Variants in LRP1B observed in about 807,000 individuals in gnomAD.
The protein encoded by LRP1B is low-density lipoprotein receptor-related protein 1B.
In LRP1B, 217 loss-of-function variants were observed where a neutral mutation model predicts 556.6. That is an observed-to-expected ratio of 0.39 (90% confidence interval 0.35 to 0.44). The LOEUF is 0.44. Ranked by LOEUF, LRP1B falls within the 20% of genes least tolerant of loss-of-function variation. LRP1B has a pLI of 1.00. For synonymous variants in LRP1B, 2,047 were observed against 1,865.8 expected, an observed-to-expected ratio of 1.10 and a Z score of -2.50; for missense variants, 5,053 against 5,620.8, an observed-to-expected ratio of 0.90 and a Z score of 3.23.
At chr2:140,454,494 C>T (rs1162700373) in intron 62 of LRP1B, among the ~76,000 whole-genome samples, 2 of 152,050 alleles carry the variant, frequency 1.3e-5, no homozygotes, top group Admixed American at 6.6e-5. Context: ...AGTGATACCT[C>T]CTCCTTTTTT....
intron 66 of LRP1B, among the ~76,000 whole-genome samples, chr2:140,424,216 C>T (rs1685566301): frequency 1.3e-5 from 2 of 152,058 alleles, no homozygotes; most frequent in African/African-American, 4.8e-5. Context: ...TTTATCCAGT[C>T]AAAATTATAT....
intron 7 of LRP1B, among the ~76,000 whole-genome samples, chr2:141,108,042 A>T (rs1365350836): frequency 6.6e-6 from 1 of 152,154 alleles, no homozygotes; most frequent in East Asian, 1.9e-4. Context: ...GTCAATTAAA[A>T]TAATACTAGG....
At chr2:140,372,744 G>A (rs1050165507) in intron 69 of LRP1B, among the ~76,000 whole-genome samples, 1 of 151,950 alleles carries the variant, frequency 6.6e-6, no homozygotes, top group African/African-American at 2.4e-5. Flanking sequence ...GTTCCAAATG[G>A]TATAATAAGA....
chr2:141,634,679 T>C (rs895632533), intron 2 of LRP1B, among the ~76,000 whole-genome samples: 2 of 152,014 alleles, frequency 1.3e-5, no homozygotes, highest in African/African-American at 4.8e-5. Flanking sequence ...TCATATAACA[T>C]ATACAAAAGA....
intron 1 of LRP1B, among the ~76,000 whole-genome samples, chr2:142,107,797 T>C (rs1401870812): frequency 3.8e-5 from 1 of 26,214 alleles, no homozygotes; most frequent in East Asian, 1.9e-3. Context: ...CTAGCTAATT[T>C]TTTTTTTTTT....
At chr2:140,709,169 A>G (rs773074444) in intron 37 of LRP1B, among the ~76,000 whole-genome samples, 1 of 152,116 alleles carries the variant, frequency 6.6e-6, no homozygotes, top group Non-Finnish European at 1.5e-5. Context: ...TTACAGTCAC[A>G]GAAATACAGA....
intron 1 of LRP1B, among the ~76,000 whole-genome samples, chr2:141,916,241 C>A (rs1700028302): frequency 6.6e-6 from 1 of 152,064 alleles, no homozygotes; most frequent in Admixed American, 6.6e-5. Flanking sequence ...TACTACCCAG[C>A]CATAAAAAAT....
chr2:142,005,363 C>A (rs911214392), intron 1 of LRP1B, among the ~76,000 whole-genome samples: 21 of 151,818 alleles, frequency 1.4e-4, no homozygotes, highest in African/African-American at 4.6e-4. Context: ...ATTTTCAGAC[C>A]GAAAAAAATA....
chr2:141,380,330 T>C (rs1689591264), intron 3 of LRP1B, among the ~76,000 whole-genome samples: 1 of 152,040 alleles, frequency 6.6e-6, no homozygotes, highest in African/African-American at 2.4e-5. Context: ...GGCTTCTAAC[T>C]CACTTGTGCC....
At chr2:140,487,084 A>C (rs950225583) in intron 58 of LRP1B, among the ~76,000 whole-genome samples, 4 of 151,926 alleles carry the variant, frequency 2.6e-5, no homozygotes, top group African/African-American at 9.7e-5. Flanking sequence ...CAAGTTGCTC[A>C]TATCTAGAAT....
chr2:141,990,746 C>T (rs1702321860), intron 1 of LRP1B, among the ~76,000 whole-genome samples: 1 of 152,008 alleles, frequency 6.6e-6, no homozygotes, highest in African/African-American at 2.4e-5. Context: ...TATCTATATG[C>T]ACACACATAT....
At chr2:141,389,658 T>C (rs549857157) in intron 3 of LRP1B, among the ~76,000 whole-genome samples, 1 of 152,268 alleles carries the variant, frequency 6.6e-6, no homozygotes, top group South Asian at 2.1e-4. Context: ...TAAAACCCTT[T>C]GGTGCATAAA....
At chr2:141,367,777 G>A (rs1689098822) in intron 3 of LRP1B, among the ~76,000 whole-genome samples, 1 of 151,816 alleles carries the variant, frequency 6.6e-6, no homozygotes, top group African/African-American at 2.4e-5. Context: ...ATGAGCCACC[G>A]TGCCCAGCCT....
intron 35 of LRP1B, among the ~76,000 whole-genome samples, chr2:140,728,260 A>T (rs1428976607): frequency 6.6e-6 from 1 of 152,132 alleles, no homozygotes; most frequent in African/African-American, 2.4e-5. Context: ...TCTTCAAAGC[A>T]ATTGCACTGT....
Position 141,754,352 on chromosome 2 carries a change from T to A in LRP1B, c.205+55927A>T, listed in dbSNP as rs150554222. On this transcript the variant is annotated intron_variant, in intron 2 of 90. Coordinates refer to ENST00000389484, the MANE Select transcript of LRP1B (RefSeq NM_018557.3). ...GCAAGTTACTCACTTTAAGTAATTT[T>A]AAAAATATTACAGATTTGGAAATGC... is the stretch of plus-strand genomic sequence containing the variant. Among the ~76,000 whole-genome samples the A allele has an allele frequency of 3.3e-5, 5 of 152,290 alleles. No homozygotes were observed. In the South Asian group the frequency reaches 6.2e-4, roughly 19 times the overall value.
At chr2:140,610,029 T>C (rs1683012446) in intron 41 of LRP1B, among the ~76,000 whole-genome samples, 2 of 149,890 alleles carry the variant, frequency 1.3e-5, no homozygotes, top group Admixed American at 6.7e-5. Context: ...AGGGCTTCCA[T>C]CTATAAAAAC....
intron 1 of LRP1B, among the ~76,000 whole-genome samples, chr2:142,124,267 A>G (rs534543317): frequency 1.3e-5 from 2 of 152,052 alleles, no homozygotes; most frequent in East Asian, 3.9e-4. Context: ...TTTTCCACTA[A>G]GGATACTTAC....
intron 3 of LRP1B, among the ~76,000 whole-genome samples, chr2:141,400,379 C>T (rs1690405416): frequency 6.6e-6 from 1 of 152,130 alleles, no homozygotes; most frequent in South Asian, 2.1e-4. Context: ...GCCTATACGA[C>T]TTGTTTAAGG....
At chr2:141,187,635 C>T (rs1681316076) in intron 7 of LRP1B, among the ~76,000 whole-genome samples, 1 of 152,096 alleles carries the variant, frequency 6.6e-6, no homozygotes, top group Middle Eastern at 3.4e-3. Context: ...CCTCCTGGCC[C>T]TCTAATAATA....
Sources: gnomAD v4.1 joint callset for allele counts (sites outside exome capture counted in the v4.1 genomes callset) on GRCh38, gnomAD v4.1.1 for gene constraint, MANE v1.5 for transcripts, NCBI Gene and HGNC (gene_info 2026-07-23, HGNC 2026-07-21) for gene names.